The following PPP1R9A variants were observed in gnomAD, a reference collection of about 807,000 sequenced individuals.
The protein encoded by PPP1R9A is neurabin-1.
A neutral mutation model predicts 141.9 loss-of-function variants in PPP1R9A; 59 were observed. The ratio of observed to expected loss-of-function variants is 0.42; its 90% confidence interval spans 0.34 to 0.52. PPP1R9A has a LOEUF of 0.52. Ranked by LOEUF, PPP1R9A falls within the 20% of genes least tolerant of loss-of-function variation. The probability of loss-of-function intolerance (pLI) is 0.10; values close to 1 mark genes in which losing one functional copy is unlikely to be tolerated. For synonymous variants in PPP1R9A, 500 were observed against 569.7 expected (o/e 0.88, Z 1.74); for missense variants, 1,444 against 1,611.9 (o/e 0.90, Z 1.78).
chr7:94,918,344 A>G (rs1387801435), intron 2 of PPP1R9A, among the ~76,000 whole-genome samples: 1 of 152,004 alleles, frequency 6.6e-6, no homozygotes, highest in Non-Finnish European at 1.5e-5. Flanking sequence ...ATGATGTTTC[A>G]GCTTCTGCTT....
intron 12 of PPP1R9A, among the ~76,000 whole-genome samples, chr7:95,262,128 T>A (rs1318736883): frequency 6.6e-6 from 1 of 152,176 alleles, no homozygotes; most frequent in Non-Finnish European, 1.5e-5. Context: ...ATTAGATTCT[T>A]GTAGGCAACC....
chr7:95,122,472 A>G (rs1822814857), intron 4 of PPP1R9A, among the ~76,000 whole-genome samples: 1 of 152,040 alleles, frequency 6.6e-6, no homozygotes, highest in African/African-American at 2.4e-5. Flanking sequence ...AATCCTAAAA[A>G]TGCATACTGA....
intron 16 of PPP1R9A, among the ~76,000 whole-genome samples, chr7:95,283,666 G>T (rs1037964849): frequency 5.3e-5 from 8 of 152,148 alleles, no homozygotes; most frequent in African/African-American, 1.9e-4. Context: ...TAGCTGTGAG[G>T]CATGTCACCC....
chr7:94,943,016 A>G (rs1228426861), intron 2 of PPP1R9A, among the ~76,000 whole-genome samples: 1 of 152,044 alleles, frequency 6.6e-6, no homozygotes, highest in African/African-American at 2.4e-5. Flanking sequence ...TGGGTGAGCT[A>G]AAAGATGGTC....
intron 2 of PPP1R9A, among the ~76,000 whole-genome samples, chr7:94,965,573 G>T (rs1225214211): frequency 6.6e-6 from 1 of 152,152 alleles, no homozygotes; most frequent in Non-Finnish European, 1.5e-5. Flanking sequence ...TTATTAAATA[G>T]GGAATCCATT....
chr7:95,204,276 T>C (rs1425308375), intron 7 of PPP1R9A, among the ~76,000 whole-genome samples: 1 of 152,148 alleles, frequency 6.6e-6, no homozygotes, highest in Non-Finnish European at 1.5e-5. Context: ...AAAATAATTC[T>C]CGTTATGTTT....
chr7:95,188,454 T>C (rs1046819789), intron 5 of PPP1R9A, among the ~76,000 whole-genome samples: 15 of 152,216 alleles, frequency 9.9e-5, no homozygotes, highest in Non-Finnish European at 1.9e-4. Context: ...TCTGTATCTT[T>C]TAAGTGGAGC....
chr7:94,916,060 G>A (rs1792037461), intron 2 of PPP1R9A, among the ~76,000 whole-genome samples: 1 of 152,090 alleles, frequency 6.6e-6, no homozygotes, highest in Admixed American at 6.5e-5. Context: ...TTGTTGTCAT[G>A]TCTTACTCCC....
intron 2 of PPP1R9A, among the ~76,000 whole-genome samples, chr7:95,055,391 A>C (rs557274909): frequency 1.2e-4 from 18 of 151,182 alleles, no homozygotes; most frequent in Non-Finnish European, 2.1e-4. Context: ...TGTTCTTGAT[A>C]TGGAGTTAAT....
intron 2 of PPP1R9A, among the ~76,000 whole-genome samples, chr7:94,971,112 A>G (rs1798811912): frequency 6.6e-6 from 1 of 151,972 alleles, no homozygotes; most frequent in African/African-American, 2.4e-5. Flanking sequence ...GACAAAAGAG[A>G]AAAAAAAGCA....
chr7:95,203,912 A>G (rs1009139954), intron 7 of PPP1R9A, among the ~76,000 whole-genome samples, 182 bp downstream of exon 7: 6 of 152,192 alleles, frequency 3.9e-5, no homozygotes, highest in Admixed American at 2.0e-4. Context: ...GAAACATAGC[A>G]TATATTTTAG....
At chr7:95,284,979 A>C (rs770367825) in intron 17 of PPP1R9A, among the ~76,000 whole-genome samples, 11 of 152,202 alleles carry the variant, frequency 7.2e-5, no homozygotes, top group Non-Finnish European at 1.6e-4. Context: ...AATTCTTTTC[A>C]GTTTCAATTT....
intron 2 of PPP1R9A, among the ~76,000 whole-genome samples, chr7:95,059,490 C>T (rs374527685): frequency 2.0e-5 from 3 of 152,140 alleles, no homozygotes; most frequent in Non-Finnish European, 4.4e-5. Context: ...TTTCTCAGCC[C>T]AGACTTTAGA....
intron 2 of PPP1R9A, among the ~76,000 whole-genome samples, chr7:94,960,712 A>C (rs774890608): frequency 6.6e-6 from 1 of 151,766 alleles, no homozygotes; most frequent in African/African-American, 2.4e-5. Flanking sequence ...TTCAGGGGTC[A>C]TAAAACTATT....
chr7:94,909,752 T>C (rs34998774), intron 1 of PPP1R9A, 146 bp from the exon 2 acceptor site: 16,229 of 161,474 alleles, frequency 0.1, 899 homozygotes, highest in Admixed American at 0.16. Flanking sequence ...ATGATAACTT[T>C]TTGACTTTTA....
intron 16 of PPP1R9A, 54 bp downstream of exon 16, chr7:95,274,222 C>G: frequency 7.0e-7 from 1 of 1,431,740 alleles, no homozygotes; most frequent in Non-Finnish European, 9.4e-7. Context: ...CTTTCTGGCC[C>G]CCTCTTCTAT....
chr7:94,949,653 C>G (rs147544548), intron 2 of PPP1R9A, among the ~76,000 whole-genome samples: 2 of 152,112 alleles, frequency 1.3e-5, no homozygotes, highest in African/African-American at 2.4e-5. Context: ...AATGACAGTG[C>G]TATGACAGGA....
chr7:94,982,959 A>T (rs939146777), intron 2 of PPP1R9A, among the ~76,000 whole-genome samples: 2 of 152,140 alleles, frequency 1.3e-5, no homozygotes, highest in African/African-American at 2.4e-5. Context: ...TAGGTCTAAC[A>T]TTTAAGTCTT....
At chr7:95,078,404 A>G (rs531761562) in intron 2 of PPP1R9A, among the ~76,000 whole-genome samples, 1 of 151,524 alleles carries the variant, frequency 6.6e-6, no homozygotes, top group South Asian at 2.1e-4. Flanking sequence ...GGTTGGTTCC[A>G]AGTCTTTGCT....
Sources: gnomAD v4.1 joint callset for allele counts (sites outside exome capture counted in the v4.1 genomes callset) on GRCh38, gnomAD v4.1.1 for gene constraint, MANE v1.5 for transcripts, NCBI Gene and HGNC (gene_info 2026-07-23, HGNC 2026-07-21) for gene names.